Variants in AGBL4 observed in about 807,000 individuals in gnomAD.
AGBL4 encodes cytosolic carboxypeptidase 6.
Under a neutral mutation model 66.4 loss-of-function variants are expected in AGBL4, and 58 were observed. That is an observed-to-expected ratio of 0.87 (90% CI 0.71 to 1.09). The LOEUF (loss-of-function observed/expected upper bound fraction) is 1.09, where lower values mean the gene tolerates loss of function less well. AGBL4 is among the 50% of genes least tolerant of loss of function. The pLI is 0.00. For synonymous variants in AGBL4, 234 were observed against 222.9 expected (o/e 1.05, Z -0.44); for missense variants, 579 against 631.0 (o/e 0.92, Z 0.88).
At chr1:49,082,446 G>A (rs1339346720) in intron 4 of AGBL4, among the ~76,000 whole-genome samples, 1 of 152,190 alleles carries the variant, frequency 6.6e-6, no homozygotes, top group Non-Finnish European at 1.5e-5. Flanking sequence ...ATGGTGAAAG[G>A]TGAAGAAGGG....
At chr1:49,660,573 C>G (rs547977602) in intron 3 of AGBL4, among the ~76,000 whole-genome samples, 1 of 152,248 alleles carries the variant, frequency 6.6e-6, no homozygotes, top group African/African-American at 2.4e-5. Context: ...ACCAGAAATA[C>G]CATTTGACCC....
intron 5 of AGBL4, among the ~76,000 whole-genome samples, chr1:48,938,247 C>G (rs550334957): frequency 2.0e-5 from 3 of 152,278 alleles, no homozygotes; most frequent in African/African-American, 7.2e-5. Context: ...ATCATCTGCT[C>G]AACAAATATT....
rs1649070733 is a variant in AGBL4, at chr1:48,736,460, G to A, written c.635-73219C>T. On this transcript the variant is annotated intron_variant, in intron 6 of 13. Transcript: ENST00000371839. This position sits in a 1 kb window ranked among gnomAD's most constrained non-coding sequence, Gnocchi z 4.0. ...CCCGCTTCCCAGATGGACCTGAGAGGAATAAGAACACCAGCACCTGTTTAG... is the reference window on the plus strand; with the variant it reads ...CCCGCTTCCCAGATGGACCTGAGAGAAATAAGAACACCAGCACCTGTTTAG... The A allele has an allele frequency of 6.2e-7, 1 of 1,613,198 alleles. No individual in the cohort carries two copies. The highest frequency in any genetic ancestry group is 1.3e-5 in the African/African-American group (1 of 74,920).
chr1:48,975,304 A>G (rs1238599068), intron 5 of AGBL4, among the ~76,000 whole-genome samples: 2 of 152,136 alleles, frequency 1.3e-5, no homozygotes, highest in East Asian at 1.9e-4. Context: ...TAATGTTACC[A>G]GTTTTTGGTG....
intron 2 of AGBL4, among the ~76,000 whole-genome samples, chr1:49,742,962 A>G (rs1163594378): frequency 1.3e-5 from 2 of 152,222 alleles, no homozygotes; most frequent in African/African-American, 4.8e-5. Context: ...AAAAAAACCT[A>G]CGCAATACCA....
intron 5 of AGBL4, among the ~76,000 whole-genome samples, chr1:49,027,802 T>C (rs1335185389): frequency 6.6e-6 from 1 of 152,100 alleles, no homozygotes. Context: ...ACCAAGAGTA[T>C]TAGAAGCCAA....
chr1:50,015,147 G>A (rs1302862040), intron 1 of AGBL4, among the ~76,000 whole-genome samples: 1 of 152,060 alleles, frequency 6.6e-6, no homozygotes. Flanking sequence ...CTTCCACTGG[G>A]CTAATTCCTT....
At chr1:49,512,467 T>C (rs991962237) in intron 3 of AGBL4, among the ~76,000 whole-genome samples, 13 of 151,916 alleles carry the variant, frequency 8.6e-5, no homozygotes, top group African/African-American at 2.9e-4. Context: ...TGGGGGCAGA[T>C]CCTTCATGGC....
chr1:49,046,789 T>C (rs1644091192), intron 4 of AGBL4, among the ~76,000 whole-genome samples: 1 of 152,172 alleles, frequency 6.6e-6, no homozygotes, highest in African/African-American at 2.4e-5. Context: ...TTTTTATCAA[T>C]TGCTTAATAA....
chr1:49,906,060 T>C (rs1393931875), intron 1 of AGBL4, among the ~76,000 whole-genome samples: 7 of 151,850 alleles, frequency 4.6e-5, no homozygotes, highest in Non-Finnish European at 1.0e-4. Flanking sequence ...TTGTTGCTAG[T>C]ATTATTTCAA....
intron 2 of AGBL4, among the ~76,000 whole-genome samples, chr1:49,730,131 C>T (rs189141701): frequency 6.6e-6 from 1 of 152,152 alleles, no homozygotes; most frequent in Non-Finnish European, 1.5e-5. Flanking sequence ...ACTTCTGGGC[C>T]TCCTCTCACA....
At chr1:49,761,544 CTTT>C (rs1212124384) in intron 2 of AGBL4, among the ~76,000 whole-genome samples, 8 of 152,138 alleles carry the variant, frequency 5.3e-5, no homozygotes, top group Non-Finnish European at 1.2e-4. Context: ...AATTCTTCTT[CTTT>C]ACCTCTTTTT....
In AGBL4 at chr1:48,615,028, G is replaced by A. The variant is rs190837937; in HGVS notation, c.951+19465C>T. Among the ~76,000 whole-genome samples, 3 of 152,252 alleles carry A rather than the reference G, an allele frequency of 2.0e-5. No homozygotes were observed. In the East Asian group the frequency reaches 5.8e-4, roughly 29 times the overall value. On this transcript the variant is annotated intron_variant, in intron 9 of 13. Transcript: ENST00000371839. The stretch of plus-strand genomic sequence containing the variant: ...GGCATGAACATCTGAAGGCCATATG[G>A]AATTCTGAGGGCTAGAGAATAAGAG...
chr1:49,970,502 C>T (rs570176820), intron 1 of AGBL4, among the ~76,000 whole-genome samples: 115 of 152,124 alleles, frequency 7.6e-4, no homozygotes, highest in Non-Finnish European at 1.5e-3. Context: ...AGAATCGGTG[C>T]CTGGCCAACA....
At chr1:48,666,317 T>C (rs2148460631) in intron 6 of AGBL4, among the ~76,000 whole-genome samples, 1 of 152,036 alleles carries the variant, frequency 6.6e-6, no homozygotes, top group East Asian at 1.9e-4. Flanking sequence ...GAAGAAAGTA[T>C]GCTTGAACCA....
At chr1:48,861,959 C>T (rs1331267311) in intron 6 of AGBL4, among the ~76,000 whole-genome samples, 1 of 152,178 alleles carries the variant, frequency 6.6e-6, no homozygotes, top group Non-Finnish European at 1.5e-5. Context: ...CTACTTCCTA[C>T]TTAGCCCTGT....
At chr1:48,544,828 C>A (rs774650737) in intron 11 of AGBL4, among the ~76,000 whole-genome samples, 2 of 152,184 alleles carry the variant, frequency 1.3e-5, no homozygotes, top group African/African-American at 4.8e-5. Context: ...CTGACTGCAA[C>A]ACACCACTCT....
At chr1:49,283,877 C>A (rs1167125975) in intron 3 of AGBL4, among the ~76,000 whole-genome samples, 1 of 147,220 alleles carries the variant, frequency 6.8e-6, no homozygotes, top group South Asian at 2.3e-4. Flanking sequence ...TGTGAAAAGA[C>A]CAAATCTACG....
At chr1:49,976,578 A>T (rs1356194018) in intron 1 of AGBL4, among the ~76,000 whole-genome samples, 3 of 152,216 alleles carry the variant, frequency 2.0e-5, no homozygotes, top group African/African-American at 7.2e-5. Flanking sequence ...CTGATTAAGT[A>T]TAGAGAACAC....
Sources: gnomAD v4.1 joint callset for allele counts (sites outside exome capture counted in the v4.1 genomes callset) on GRCh38, gnomAD v4.1.1 for gene constraint, Gnocchi (gnomAD v3.1) non-coding constraint, MANE v1.5 for transcripts, NCBI Gene and HGNC (gene_info 2026-07-23, HGNC 2026-07-21) for gene names.